ARAP1: variants seen among roughly 807,000 people sequenced by gnomAD.
ARAP1 encodes ArfGAP with RhoGAP domain, ankyrin repeat and PH domain 1.
In ARAP1, 76 loss-of-function variants were observed where a neutral mutation model predicts 172.2. That is an observed-to-expected ratio of 0.44 (90% CI 0.37 to 0.53). The LOEUF (loss-of-function observed/expected upper bound fraction) is 0.53, where lower values mean the gene tolerates loss of function less well. Among genes scored for constraint, ARAP1 ranks in the 20% least tolerant of loss-of-function variants. The pLI, the probability that ARAP1 is intolerant of heterozygous loss-of-function variation, is 0.00. For synonymous variants in ARAP1, 804 were observed against 803.3 expected, an observed-to-expected ratio of 1.00 and a Z score of -0.01; for missense variants, 1,686 against 1,977.5, an observed-to-expected ratio of 0.85 and a Z score of 2.80.
At chr11:72,746,877 C>T (rs1384629802) in intron 1 of ARAP1, among the ~76,000 whole-genome samples, 1 of 152,254 alleles carries the variant, frequency 6.6e-6, no homozygotes, top group East Asian at 1.9e-4. Context: ...GGGTTCCTGA[C>T]TCTGCACCTG....
In ARAP1 at chr11:72,696,415, A is replaced by G. The variant is rs535319633; in HGVS notation, c.3272+134T>C. ...GGGAACCCTGCTCTACAAATATCCA[A>G]TGTTAGGGCAGATCACAGTCAGCAC... On this transcript the variant is annotated intron_variant, in intron 23 of 34. Transcript: ENST00000393609. 55 of 630,218 alleles carry G rather than the reference A, an allele frequency of 8.7e-5. No homozygotes were observed. The South Asian group carries it at 1.3e-3, about 15-fold the overall frequency. 39.0% of individuals were successfully genotyped at this position (630,218 alleles called of 1,614,324 possible).
chr11:72,688,343 A>T, intron 31 of ARAP1, 112 bp downstream of exon 31: 1 of 915,188 alleles, frequency 1.1e-6, no homozygotes, highest in Non-Finnish European at 1.7e-6. Flanking sequence ...CCACACCATC[A>T]GAGCCCCTGC....
intron 13 of ARAP1, chr11:72,705,569 T>G: frequency 4.1e-6 from 2 of 491,200 alleles, no homozygotes. Context: ...TTCCTTTTTT[T>G]TTCTTTAAAA....
chr11:72,718,356 C>T lies in ARAP1; in HGVS notation c.510-4035G>A, dbSNP rs886704598. 2.2e-4 allele frequency among the ~76,000 whole-genome samples: 34 copies of T among 151,964 alleles called. 1 individual carries two copies. The highest frequency in any genetic ancestry group is 1.8e-3 in the Admixed American group (28 of 15,264). ...TGCTTGCACCCCTAAGAGTAGGCCC[C>T]GCTCCAATCCCGAGGTCCAGCTGAG... On this transcript the variant is annotated intron_variant, in intron 3 of 34. Coordinates refer to ENST00000393609, the MANE Select transcript of ARAP1 (RefSeq NM_001040118.3).
At chr11:72,728,877 A>C (rs913651772) in intron 2 of ARAP1, among the ~76,000 whole-genome samples, 1 of 152,252 alleles carries the variant, frequency 6.6e-6, no homozygotes, top group Admixed American at 6.5e-5. Context: ...ATAAATGTAC[A>C]CAATCCAATT....
At chr11:72,713,722 C>T (rs1431675155) in intron 4 of ARAP1, among the ~76,000 whole-genome samples, 3 of 151,932 alleles carry the variant, frequency 2.0e-5, no homozygotes, top group Admixed American at 1.3e-4. Flanking sequence ...TGGCGGGCGC[C>T]TGTAGTCCCA....
chr11:72,693,584 A>C lies in ARAP1; in HGVS notation c.3808+108T>G. The C allele has an allele frequency of 1.3e-6, 2 of 1,534,080 alleles. No individual in the cohort carries two copies. Among genetic ancestry groups the C allele is most frequent in the African/African-American group, 1.4e-5 (1 of 72,984 alleles). Reference sequence around the variant, plus strand: ...CCAGCCTCTCCATAGAGGCCCACCCACTTGGCGCCCTCTGTCTGAGCTGTT... The same window carrying C: ...CCAGCCTCTCCATAGAGGCCCACCCCCTTGGCGCCCTCTGTCTGAGCTGTT... On this transcript the variant is annotated intron_variant, in intron 28 of 34. Coordinates refer to ENST00000393609, the MANE Select transcript of ARAP1 (RefSeq NM_001040118.3). The surrounding 1 kb of genome is among the most constrained non-coding windows in gnomAD (Gnocchi z 4.6).
At position 72,712,359 on chromosome 11, in the gene ARAP1, T is replaced by TG. The variant is rs1857056464; in HGVS notation, c.879-21dup. 6 of 1,458,500 alleles carry TG rather than the reference T, an allele frequency of 4.1e-6. No homozygotes were observed. The highest frequency in any genetic ancestry group is 2.7e-5 in the South Asian group (2 of 73,444). The allele number at this position is 1,458,500 out of a possible 1,614,324, so 90.3% of individuals were successfully genotyped here. Reference sequence around the variant, plus strand: ...CCGCCACTAGCGAGAGATGAGGGGATGGGGGGCCGGGCTGAGGAGGCAAGG... The same window carrying TG: ...CCGCCACTAGCGAGAGATGAGGGGATGGGGGGGCCGGGCTGAGGAGGCAAGG... On this transcript the variant is annotated intron_variant, in intron 6 of 34. Coordinates refer to ENST00000393609, the MANE Select transcript of ARAP1 (RefSeq NM_001040118.3).
intron 3 of ARAP1, among the ~76,000 whole-genome samples, chr11:72,724,215 C>T (rs1407797351): frequency 2.0e-5 from 3 of 152,196 alleles, no homozygotes; most frequent in African/African-American, 7.2e-5. Flanking sequence ...GGTGCACACA[C>T]AGACTGGCCC....
chr11:72,693,893 CCCCTG>C lies in ARAP1; in HGVS notation c.3695-93_3695-89del. 1.0e-5 allele frequency: 11 copies of C among 1,049,358 alleles called. No individual in the cohort carries two copies. Among genetic ancestry groups the C allele is most frequent in the Admixed American group, 4.7e-5 (2 of 42,930 alleles). The allele number at this position is 1,049,358 out of a possible 1,614,324, so 65.0% of individuals were successfully genotyped here. ...AGATGGGCACATATCACCTACACAT[CCCCTG>C]TCCACTCCAACCATATGCAAGTGCC... On this transcript the variant is annotated intron_variant, in intron 27 of 34. Coordinates refer to ENST00000393609, the MANE Select transcript of ARAP1 (RefSeq NM_001040118.3). The surrounding 1 kb of genome is among the most constrained non-coding windows in gnomAD (Gnocchi z 4.6).
rs1194506290 is a variant in ARAP1, at chr11:72,685,127, G to T, written c.*537C>A. On this transcript the variant is annotated 3_prime_UTR_variant, in exon 35 of 35. Coordinates refer to ENST00000393609, the MANE Select transcript of ARAP1 (RefSeq NM_001040118.3). ...AAAAAGTCCCCAAATTGGGGAAGGG[G>T]CATCAGGTAGTCTGGACCCCCCACT... 1.3e-5 allele frequency: 2 copies of T among 155,726 alleles called. No individual in the cohort carries two copies. The highest frequency in any genetic ancestry group is 4.8e-5 in the African/African-American group (2 of 41,458). The allele number at this position is 155,726 out of a possible 1,614,324, so 9.6% of individuals were successfully genotyped here.
intron 29 of ARAP1, 175 bp from the exon 30 acceptor site, chr11:72,692,960 G>T (rs1204389231): frequency 1.3e-6 from 1 of 792,958 alleles, no homozygotes; most frequent in Non-Finnish European, 2.1e-6. Context: ...TGAGGGAGAA[G>T]GGTGGCCCGG....
chr11:72,703,415 G>GGGGGGGGGGGGGGC (rs71469439), intron 14 of ARAP1: 1 of 145,214 alleles, frequency 6.9e-6, no homozygotes, highest in Non-Finnish European at 1.5e-5. Flanking sequence ...AGCCGGGGGG[G>GGGGGGGGGGGGGGC]GGGTGTGCTT....
intron 30 of ARAP1, among the ~76,000 whole-genome samples, chr11:72,690,894 A>G (rs1855907318): frequency 6.6e-6 from 1 of 152,216 alleles, no homozygotes; most frequent in South Asian, 2.1e-4. Context: ...ATCACCTGAG[A>G]TTGTCCCAAT....
chr11:72,687,360 C>T, intron 33 of ARAP1, 79 bp downstream of exon 33: 1 of 1,565,638 alleles, frequency 6.4e-7, no homozygotes, highest in African/African-American at 1.4e-5. Flanking sequence ...GGTTGAATAG[C>T]ACAGAAGCCA....
At chr11:72,718,890 T>A (rs1197828795) in intron 3 of ARAP1, among the ~76,000 whole-genome samples, 1 of 152,154 alleles carries the variant, frequency 6.6e-6, no homozygotes, top group African/African-American at 2.4e-5. Flanking sequence ...TCTCCAGCAC[T>A]CAGCAGGGAC....
At chr11:72,739,709 G>GC (rs2135588282) in intron 1 of ARAP1, among the ~76,000 whole-genome samples, 1 of 152,326 alleles carries the variant, frequency 6.6e-6, no homozygotes, top group South Asian at 2.1e-4. Context: ...AGGCCAGCGT[G>GC]CTCTTCTGCT....
At chr11:72,692,610 AG>A (rs1457384440) in intron 30 of ARAP1, 142 bp downstream of exon 30, 5 of 1,026,898 alleles carry the variant, frequency 4.9e-6, no homozygotes, top group Middle Eastern at 2.8e-4. Context: ...GCCCCAGGAT[AG>A]GGGCCAGTGC....
chr11:72,717,692 C>T (rs1281571448), intron 3 of ARAP1, among the ~76,000 whole-genome samples: 1 of 152,216 alleles, frequency 6.6e-6, no homozygotes. Flanking sequence ...GTATGCGTGT[C>T]TACATGTGTG....
Sources: gnomAD v4.1 joint callset for allele counts (sites outside exome capture counted in the v4.1 genomes callset) on GRCh38, gnomAD v4.1.1 for gene constraint, Gnocchi (gnomAD v3.1) non-coding constraint, MANE v1.5 for transcripts, NCBI Gene and HGNC (gene_info 2026-07-23, HGNC 2026-07-21) for gene names.